The following CBLN2 variants were observed in gnomAD, a reference collection of about 807,000 sequenced individuals.
CBLN2 encodes cerebellin-2.
CBLN2 carries 7 observed loss-of-function variants against 15.0 expected under a neutral mutation model. The ratio of observed to expected loss-of-function variants is 0.47; its 90% CI spans 0.27 to 0.88. CBLN2 has a LOEUF of 0.88. Ranked by LOEUF, CBLN2 falls within the 40% of genes least tolerant of loss-of-function variation. The pLI is 0.14. For missense variants in CBLN2, 242 were observed against 304.5 expected (o/e 0.79, Z 1.53); for synonymous variants, 149 against 135.2 (o/e 1.10, Z -0.71).
intron 1 of CBLN2, among the ~76,000 whole-genome samples, chr18:72,552,792 G>A (rs1216895521): frequency 6.6e-6 from 1 of 152,152 alleles, no homozygotes; most frequent in East Asian, 1.9e-4. Flanking sequence ...GCAGAAAATA[G>A]ACATTGAATA....
chr18:72,617,484 A>C (rs1599025359), intron 1 of CBLN2, among the ~76,000 whole-genome samples: 1 of 152,342 alleles, frequency 6.6e-6, no homozygotes, highest in Non-Finnish European at 1.5e-5. Flanking sequence ...CCTTGGAATG[A>C]TACTGAATTG....
At chr18:72,566,530 T>C (rs928504650) in intron 1 of CBLN2, among the ~76,000 whole-genome samples, 1 of 152,100 alleles carries the variant, frequency 6.6e-6, no homozygotes, top group Non-Finnish European at 1.5e-5. Flanking sequence ...TAGAAGACAT[T>C]ATGTTAAGTG....
intron 1 of CBLN2, among the ~76,000 whole-genome samples, chr18:72,606,154 T>C (rs1488939924): frequency 2.0e-5 from 3 of 152,224 alleles, no homozygotes; most frequent in Non-Finnish European, 4.4e-5. Context: ...AGAATAGATA[T>C]GTTGTTTTTT....
At chr18:72,620,258 T>A (rs1277386096) in intron 1 of CBLN2, 1 of 152,236 alleles carries the variant, frequency 6.6e-6, no homozygotes, top group East Asian at 1.9e-4. Context: ...CAGCCTTTTT[T>A]TTTGAGTATC....
chr18:72,546,454 AAG>A (rs1491088367), upstream of CBLN2, among the ~76,000 whole-genome samples: 5 of 152,250 alleles, frequency 3.3e-5, no homozygotes, highest in African/African-American at 9.6e-5. Context: ...AAAAAAAAAA[AAG>A]ATATTTAAGT....
rs568448181 is a variant in CBLN2 at position 72,633,088 on chromosome 18, G to T, written c.15+5237C>A. Among the ~76,000 whole-genome samples, 10 of 152,250 alleles carry T rather than the reference G, an allele frequency of 6.6e-5. No homozygotes were observed. In the South Asian group the frequency reaches 1.2e-3, roughly 19 times the overall value. On this transcript the variant is annotated intron_variant, in intron 1 of 2. Coordinates refer to the CBLN2 transcript ENST00000581073. Reference sequence around the variant, plus strand: ...CTAATTTTGAGTAATAGTATAAAAAGTCGGGTATGTACTAAGTATTCAAAA... The same window carrying T: ...CTAATTTTGAGTAATAGTATAAAAATTCGGGTATGTACTAAGTATTCAAAA...
intron 1 of CBLN2, among the ~76,000 whole-genome samples, chr18:72,630,432 G>A (rs2069767222): frequency 6.6e-6 from 1 of 151,684 alleles, no homozygotes; most frequent in Non-Finnish European, 1.5e-5. Context: ...CACTGATGAA[G>A]TAAACTGTCA....
chr18:72,637,729 CA>C (rs1201466859), intron 1 of CBLN2, among the ~76,000 whole-genome samples: 1 of 144,112 alleles, frequency 6.9e-6, no homozygotes, highest in African/African-American at 2.5e-5. Flanking sequence ...CAGAGATTGA[CA>C]GGGGAACCCC....
At chr18:72,581,664 C>T (rs545519469) in intron 1 of CBLN2, among the ~76,000 whole-genome samples, 12 of 152,070 alleles carry the variant, frequency 7.9e-5, no homozygotes, top group Non-Finnish European at 1.5e-4. Flanking sequence ...ACATGTGTTG[C>T]GAATAACATC....
At chr18:72,573,778 C>G (rs528113157) in intron 1 of CBLN2, among the ~76,000 whole-genome samples, 16 of 152,260 alleles carry the variant, frequency 1.1e-4, no homozygotes, top group African/African-American at 1.4e-4. Context: ...TCATGTAGAT[C>G]TAGGTTTTCA....
chr18:72,596,557 T>A (rs1042700085), intron 1 of CBLN2, among the ~76,000 whole-genome samples: 7 of 152,318 alleles, frequency 4.6e-5, no homozygotes, highest in African/African-American at 9.6e-5. Flanking sequence ...AATGTCCTCT[T>A]CTTTCAGATT....
chr18:72,636,221 C>T (rs369857891), intron 1 of CBLN2, among the ~76,000 whole-genome samples: 2 of 152,224 alleles, frequency 1.3e-5, no homozygotes, highest in South Asian at 2.1e-4. Context: ...ATACTAGTTA[C>T]GTAGGTATTG....
intron 1 of CBLN2, among the ~76,000 whole-genome samples, chr18:72,633,634 G>C (rs918233265): frequency 5.3e-5 from 8 of 152,126 alleles, no homozygotes; most frequent in African/African-American, 1.9e-4. Context: ...AAAGTAATCA[G>C]AACAGTTATT....
chr18:72,586,216 A>G (rs1599011469), intron 1 of CBLN2, among the ~76,000 whole-genome samples: 1 of 152,240 alleles, frequency 6.6e-6, no homozygotes, highest in Non-Finnish European at 1.5e-5. Context: ...GCAGTGCTCC[A>G]GATGGGCTGT....
Position 72,542,001 on chromosome 18 carries a change from C to G in CBLN2, c.160G>C (p.Asp54His). ...PACCPVRAQN[D>H]TEPIVLEGKC... ...CCCTCCAGCACGATGGGCTCCGTGT[C>G]GTTCTGCGCCCGCACGGGGCAGCAG... Residue 54 changes from aspartate (D) to histidine (H), a missense_variant, in exon 3 of 5, where the codon GAC becomes CAC. Asp to His is a moderately conservative substitution (Grantham distance 81, BLOSUM62 -1). This residue lies in a region of CBLN2 where 96 missense variants were observed against 83.8 expected (regional missense o/e 1.15). Transcript: ENST00000269503. The G allele has an allele frequency of 3.1e-6, 5 of 1,602,102 alleles. No individual in the cohort carries two copies. Among genetic ancestry groups the G allele is most frequent in the South Asian group, 1.1e-5 (1 of 90,186 alleles).
chr18:72,587,142 G>A (rs1411984945), intron 1 of CBLN2, among the ~76,000 whole-genome samples: 1 of 151,806 alleles, frequency 6.6e-6, no homozygotes, highest in Non-Finnish European at 1.5e-5. Context: ...TTTATTTTTT[G>A]TCAGTTTTTA....
chr18:72,552,675 A>G (rs932067257), intron 1 of CBLN2: 2 of 152,202 alleles, frequency 1.3e-5, no homozygotes, highest in African/African-American at 2.4e-5. Context: ...TTCCAGGTAC[A>G]TAGCGAATTG....
chr18:72,586,369 C>T (rs188071726), intron 1 of CBLN2, among the ~76,000 whole-genome samples: 15 of 152,246 alleles, frequency 9.9e-5, no homozygotes, highest in Admixed American at 3.9e-4. Context: ...AAGTTCTATA[C>T]ACTAAAGGTG....
intron 1 of CBLN2, among the ~76,000 whole-genome samples, chr18:72,631,947 T>A (rs998470535): frequency 6.6e-6 from 1 of 152,238 alleles, no homozygotes; most frequent in South Asian, 2.1e-4. Context: ...TGTACTAAAA[T>A]ATGCCTTTTT....
Sources: gnomAD v4.1 joint callset for allele counts (sites outside exome capture counted in the v4.1 genomes callset) on GRCh38, gnomAD v4.1.1 for gene constraint, gnomAD v4.1.1 regional missense constraint, MANE v1.5 for transcripts, NCBI Gene and HGNC (gene_info 2026-07-23, HGNC 2026-07-21) for gene names.